ANKS1B: variants seen among roughly 807,000 people sequenced by gnomAD.
The protein encoded by ANKS1B is ankyrin repeat and sterile alpha motif domain containing 1B, also known as ankyrin repeat and sterile alpha motif domain-containing protein 1B.
ANKS1B carries 36 observed loss-of-function variants against 148.3 expected under a neutral mutation model. The observed-to-expected ratio is 0.24, with a 90% CI of 0.19 to 0.32. ANKS1B has a LOEUF of 0.32. Ranked by LOEUF, ANKS1B falls within the 10% of genes least tolerant of loss-of-function variation. The pLI is 1.00. For missense variants in ANKS1B, 1,157 were observed against 1,542.6 expected, an observed-to-expected ratio of 0.75 and a Z score of 4.19; for synonymous variants, 542 against 560.8, an observed-to-expected ratio of 0.97 and a Z score of 0.47.
chr12:99,154,724 T>C, intron 14 of ANKS1B: 1 of 1,439,032 alleles, frequency 6.9e-7, no homozygotes, highest in Non-Finnish European at 9.1e-7. Flanking sequence ...TGGGCTGGTC[T>C]GCGTTCTATG....
intron 8 of ANKS1B, among the ~76,000 whole-genome samples, chr12:99,744,637 A>G (rs1601236662): frequency 1.3e-5 from 2 of 152,210 alleles, no homozygotes; most frequent in African/African-American, 2.4e-5. Flanking sequence ...TAAATGTTCT[A>G]TCTTTGAAGG....
chr12:98,999,810 G>A (rs1324840298), intron 17 of ANKS1B, among the ~76,000 whole-genome samples: 5 of 152,278 alleles, frequency 3.3e-5, no homozygotes, highest in Non-Finnish European at 7.3e-5. Context: ...TGCATGGCTT[G>A]GGTTGACTAT....
rs747316718 is a variant in ANKS1B at position 99,155,086 on chromosome 12, G to A, written c.2420-691C>T. On this transcript the variant is annotated intron_variant, in intron 14 of 26. Coordinates refer to ENST00000683438, the MANE Select transcript of ANKS1B (RefSeq NM_001352186.2). ...AATTGAATCTTCATACTGGTTATACGTTACAGAGCTATTTGTTGTGGAATT... is the reference window on the plus strand; with the variant it reads ...AATTGAATCTTCATACTGGTTATACATTACAGAGCTATTTGTTGTGGAATT... 9.4e-5 allele frequency: 144 copies of A among 1,528,352 alleles called. 1 individual carries two copies. The highest frequency in any genetic ancestry group is 1.2e-4 in the Non-Finnish European group (135 of 1,143,686). 94.7% of individuals were successfully genotyped at this position (1,528,352 alleles called of 1,614,324 possible). A position where few individuals can be genotyped will look rare whatever the true frequency, so the allele number is the denominator to read the frequency against.
In ANKS1B at chr12:98,837,959, T is replaced by C. The variant is rs556449058; in HGVS notation, c.2779-5823A>G. Among the ~76,000 whole-genome samples the C allele has an allele frequency of 2.0e-4, 30 of 152,258 alleles. 1 individual carries two copies. The East Asian group carries it at 4.8e-3, about 24-fold the overall frequency. ...GAAAAACAAGTAAGAGAACCAGTAA[T>C]CCACAAACTATATCTAAATAGATAT... On this transcript the variant is annotated intron_variant, in intron 17 of 26. Transcript: ENST00000683438.
intron 17 of ANKS1B, among the ~76,000 whole-genome samples, chr12:98,998,474 C>T (rs2153351855): frequency 6.6e-6 from 1 of 152,156 alleles, no homozygotes; most frequent in African/African-American, 2.4e-5. Context: ...AACTGTATTG[C>T]TTTAAGTTGG....
At chr12:98,848,073 T>C (rs577517072) in intron 17 of ANKS1B, among the ~76,000 whole-genome samples, 1 of 152,374 alleles carries the variant, frequency 6.6e-6, no homozygotes, top group African/African-American at 2.4e-5. Context: ...AAATAGATAC[T>C]GAATCATCAA....
rs59207203 is a variant in ANKS1B, at chr12:99,271,662, C to CTATATATATATATATATATATATATATA, written c.1757-24826_1757-24799dup. On this transcript the variant is annotated intron_variant, in intron 12 of 26. Transcript: ENST00000683438. ...ATTCAGTCAGTAGTCAGTCAATAAA[C>CTATATATATATATATATATATATATATA]TATATATATATATATATATATATAT... Among the ~76,000 whole-genome samples the CTATATATATATATATATATATATATATA allele has an allele frequency of 5.8e-4, 55 of 94,190 alleles. 2 individuals carry two copies. The highest frequency in any genetic ancestry group is 7.6e-4 in the Non-Finnish European group (36 of 47,654). 61.8% of individuals were successfully genotyped at this position (94,190 alleles called of 152,430 possible).
At chr12:99,569,316 G>T (rs2097428124) in intron 9 of ANKS1B, among the ~76,000 whole-genome samples, 1 of 152,062 alleles carries the variant, frequency 6.6e-6, no homozygotes, top group South Asian at 2.1e-4. Context: ...AAAAGTGCTG[G>T]GGAACTGGAC....
At chr12:99,440,160 A>G (rs557306926) in intron 11 of ANKS1B, among the ~76,000 whole-genome samples, 1 of 151,912 alleles carries the variant, frequency 6.6e-6, no homozygotes, top group East Asian at 1.9e-4. Context: ...AACTAATTAG[A>G]AAGGGGCAAG....
At chr12:99,977,314 GT>G (rs2095641309) in intron 1 of ANKS1B, among the ~76,000 whole-genome samples, 1 of 151,954 alleles carries the variant, frequency 6.6e-6, no homozygotes, top group Admixed American at 6.6e-5. Context: ...TGGCCATTTT[GT>G]TTTGTTTTGT....
intron 19 of ANKS1B, among the ~76,000 whole-genome samples, chr12:98,823,733 C>A (rs372609905): frequency 6.6e-6 from 1 of 152,252 alleles, no homozygotes; most frequent in South Asian, 2.1e-4. Context: ...CTCAAGTGCT[C>A]CGCCCGCTTT....
intron 1 of ANKS1B, among the ~76,000 whole-genome samples, chr12:99,955,077 C>A (rs2095295235): frequency 1.3e-5 from 2 of 152,154 alleles, no homozygotes; most frequent in African/African-American, 4.8e-5. Flanking sequence ...GGCCATCTGA[C>A]ACCTAAGATG....
intron 17 of ANKS1B, among the ~76,000 whole-genome samples, chr12:98,867,803 A>G (rs934218561): frequency 1.3e-5 from 2 of 151,694 alleles, no homozygotes; most frequent in Non-Finnish European, 2.9e-5. Context: ...AGGAGCTTGC[A>G]GTGAGCCGAG....
At chr12:98,994,047 T>C (rs193032286) in intron 17 of ANKS1B, among the ~76,000 whole-genome samples, 1 of 152,296 alleles carries the variant, frequency 6.6e-6, no homozygotes, top group African/African-American at 2.4e-5. Flanking sequence ...TTACACAATG[T>C]TCCTGTTTTT....
Position 98,808,746 on chromosome 12 carries a change from T to C in ANKS1B, c.3067-828A>G, listed in dbSNP as rs533912829. Reference sequence around the variant, plus strand: ...ACCTTCAAAGAGACCGACTGAGCTCTTGGCTTGACCCATCCCAAGTTCTGT... The same window carrying C: ...ACCTTCAAAGAGACCGACTGAGCTCCTGGCTTGACCCATCCCAAGTTCTGT... On this transcript the variant is annotated intron_variant, in intron 19 of 26. Coordinates refer to ENST00000683438, the MANE Select transcript of ANKS1B (RefSeq NM_001352186.2). Among the ~76,000 whole-genome samples, 10 of 152,350 alleles carry C rather than the reference T, an allele frequency of 6.6e-5. No homozygotes were observed. In the South Asian group the frequency reaches 2.1e-3, roughly 32 times the overall value.
intron 12 of ANKS1B, among the ~76,000 whole-genome samples, chr12:99,334,433 C>T (rs995077113): frequency 1.3e-5 from 2 of 152,008 alleles, no homozygotes; most frequent in African/African-American, 2.4e-5. Flanking sequence ...CCACACAATG[C>T]TTGTATAAAA....
At chr12:99,779,242 G>C (rs1294340568) in intron 6 of ANKS1B, among the ~76,000 whole-genome samples, 1 of 152,194 alleles carries the variant, frequency 6.6e-6, no homozygotes, top group African/African-American at 2.4e-5. Context: ...GCACTTAAAT[G>C]ACTTTTACCA....
intron 14 of ANKS1B, among the ~76,000 whole-genome samples, chr12:99,180,259 A>G (rs2078955495): frequency 6.6e-6 from 1 of 152,180 alleles, no homozygotes; most frequent in Non-Finnish European, 1.5e-5. Flanking sequence ...AACTTTTGAT[A>G]CTGTTAAAAA....
At chr12:98,900,347 C>G (rs1443753364) in intron 17 of ANKS1B, among the ~76,000 whole-genome samples, 1 of 152,190 alleles carries the variant, frequency 6.6e-6, no homozygotes, top group African/African-American at 2.4e-5. Context: ...TAGTATTCTA[C>G]ATTGTTAGAT....
Sources: allele counts gnomAD v4.1 joint callset (sites outside exome capture counted in the v4.1 genomes callset), GRCh38; gene constraint gnomAD v4.1.1; transcripts MANE v1.5; gene names NCBI Gene and HGNC (gene_info 2026-07-23, HGNC 2026-07-21).